The following TNFSF4 variants were observed in gnomAD, a reference collection of about 807,000 sequenced individuals.
TNFSF4 encodes TNF superfamily member 4.
TNFSF4 carries 4 observed loss-of-function variants against 7.3 expected under a neutral mutation model. That is an observed-to-expected ratio of 0.55 (90% CI 0.27 to 1.25). TNFSF4 has a LOEUF of 1.25. TNFSF4 is among the 50% of genes most tolerant of loss of function. The probability of loss-of-function intolerance (pLI) is 0.12; values close to 1 mark genes in which losing one functional copy is unlikely to be tolerated. For missense variants in TNFSF4, 181 were observed against 208.8 expected (o/e 0.87, Z 0.82); for synonymous variants, 76 against 83.7 (o/e 0.91, Z 0.50).
the TNFSF4 span, among the ~76,000 whole-genome samples, chr1:173,389,422 A>C: frequency 6.6e-6 from 1 of 151,994 alleles, no homozygotes; most frequent in African/African-American, 2.4e-5. Context: ...CATTCTCTTT[A>C]TTTCTTTTTC....
chr1:173,213,017 G>C, the TNFSF4 span, among the ~76,000 whole-genome samples: 2 of 152,084 alleles, frequency 1.3e-5, no homozygotes, highest in African/African-American at 4.8e-5. Context: ...GAAACACACT[G>C]TTCACAGGAC....
chr1:173,406,869 C>T, the TNFSF4 span, among the ~76,000 whole-genome samples: 204 of 152,112 alleles, frequency 1.3e-3, no homozygotes, highest in African/African-American at 4.7e-3. Context: ...GGAGAGCTTC[C>T]GAATGGAGAG....
the TNFSF4 span, among the ~76,000 whole-genome samples, chr1:173,317,067 G>A: frequency 3.9e-5 from 6 of 152,124 alleles, no homozygotes; most frequent in African/African-American, 1.4e-4. Flanking sequence ...AAAAAAACTT[G>A]CAGTTTCTGG....
chr1:173,274,991 G>A, the TNFSF4 span, among the ~76,000 whole-genome samples: 3 of 152,116 alleles, frequency 2.0e-5, no homozygotes, highest in Non-Finnish European at 2.9e-5. Context: ...TTGCTATAGC[G>A]TCATTTGTGT....
chr1:173,387,363 C>T, the TNFSF4 span, among the ~76,000 whole-genome samples: 2 of 152,098 alleles, frequency 1.3e-5, no homozygotes, highest in Non-Finnish European at 1.5e-5. Context: ...CAGCCTTTCC[C>T]CCACATGAGG....
the TNFSF4 span, among the ~76,000 whole-genome samples, chr1:173,234,387 T>TGGC: frequency 2.0e-5 from 3 of 151,888 alleles, no homozygotes; most frequent in Admixed American, 6.6e-5. Context: ...GAAGACATTG[T>TGGC]GATTCCTCAA....
chr1:173,173,985 C>T, the TNFSF4 span, among the ~76,000 whole-genome samples: 4 of 152,214 alleles, frequency 2.6e-5, no homozygotes, highest in Non-Finnish European at 4.4e-5. Context: ...AATGGGTTTT[C>T]CTTTCTGTCA....
the TNFSF4 span, among the ~76,000 whole-genome samples, chr1:173,262,598 C>CTTTTTTTT: frequency 2.9e-5 from 3 of 105,040 alleles, no homozygotes; most frequent in Non-Finnish European, 5.6e-5. Flanking sequence ...CCAAAAGATT[C>CTTTTTTTT]TTTTTTTTTT....
chr1:173,407,703 G>GGTGTGTGTGTGTGTGTGTGT, the TNFSF4 span, among the ~76,000 whole-genome samples: 36 of 148,254 alleles, frequency 2.4e-4, no homozygotes, highest in African/African-American at 8.0e-4. Flanking sequence ...GATGTAAATG[G>GGTGTGTGTGTGTGTGTGTGT]GTGTGTGTGT....
At chr1:173,217,270 G>C in the TNFSF4 span, among the ~76,000 whole-genome samples, 9 of 152,178 alleles carry the variant, frequency 5.9e-5, no homozygotes, top group African/African-American at 2.2e-4. Context: ...GAATAGACTG[G>C]ATTGTGGGGT....
chr1:173,197,853 AAAAAG>A, intron 1 of TNFSF4, among the ~76,000 whole-genome samples: 1 of 152,322 alleles, frequency 6.6e-6, no homozygotes, highest in South Asian at 2.1e-4. Context: ...TAAAGAAAAA[AAAAAG>A]AAAAGAAAGT....
At chr1:173,320,591 CCCAAAAA>C in the TNFSF4 span, among the ~76,000 whole-genome samples, 4 of 152,108 alleles carry the variant, frequency 2.6e-5, no homozygotes, top group African/African-American at 9.7e-5. Context: ...ATCATCTTAG[CCCAAAAA>C]CTCCTTAAAC....
the TNFSF4 span, among the ~76,000 whole-genome samples, chr1:173,441,268 T>C: frequency 1.3e-5 from 2 of 152,220 alleles, no homozygotes; most frequent in Non-Finnish European, 1.5e-5. Context: ...TTTTCATCCT[T>C]TTTCCCCTCC....
At chr1:173,370,422 G>C in the TNFSF4 span, among the ~76,000 whole-genome samples, 482 of 152,228 alleles carry the variant, frequency 3.2e-3, 1 homozygote, top group African/African-American at 0.011. Context: ...CATTGCGACT[G>C]GAGTCACAAA....
downstream of TNFSF4, among the ~76,000 whole-genome samples, chr1:173,180,022 T>A (rs1383016261): frequency 6.6e-6 from 1 of 152,350 alleles, no homozygotes; most frequent in East Asian, 1.9e-4. Context: ...CTCTTTCCAA[T>A]TTCAAGTAGA....
At chr1:173,237,201 T>G in the TNFSF4 span, among the ~76,000 whole-genome samples, 2 of 152,330 alleles carry the variant, frequency 1.3e-5, no homozygotes, top group South Asian at 2.1e-4. Flanking sequence ...ATTAAACCTC[T>G]CTTTTATAAA....
upstream of TNFSF4, among the ~76,000 whole-genome samples, chr1:173,211,800 G>T (rs745690350): frequency 1.3e-5 from 2 of 152,084 alleles, no homozygotes; most frequent in Admixed American, 6.5e-5. Flanking sequence ...AGGATCAGTG[G>T]CTCCCAAAGC....
upstream of TNFSF4, among the ~76,000 whole-genome samples, chr1:173,208,084 C>G (rs1297939358): frequency 1.3e-5 from 2 of 152,124 alleles, no homozygotes; most frequent in Non-Finnish European, 2.9e-5. Flanking sequence ...AAGATTATTT[C>G]TTTCTTTGAG....
chr1:173,265,875 T>C, the TNFSF4 span, among the ~76,000 whole-genome samples: 2 of 152,192 alleles, frequency 1.3e-5, no homozygotes, highest in African/African-American at 2.4e-5. Context: ...CTTCCTCCGA[T>C]ATTGTATCCT....
Sources: gnomAD v4.1 joint callset for allele counts (sites outside exome capture counted in the v4.1 genomes callset) on GRCh38, gnomAD v4.1.1 for gene constraint, MANE v1.5 for transcripts, NCBI Gene and HGNC (gene_info 2026-07-23, HGNC 2026-07-21) for gene names.